Variants in SORCS3 observed in about 807,000 individuals in gnomAD.
The protein encoded by SORCS3 is VPS10 domain-containing receptor SorCS3.
SORCS3 carries 57 observed loss-of-function variants against 146.3 expected under a neutral mutation model. That is an observed-to-expected ratio of 0.39 (90% confidence interval 0.31 to 0.49). SORCS3 has a LOEUF of 0.49. SORCS3 is among the 20% of genes least tolerant of loss of function. The probability of loss-of-function intolerance (pLI) is 0.92; values close to 1 mark genes in which losing one functional copy is unlikely to be tolerated. For missense variants in SORCS3, 1,341 were observed against 1,575.5 expected, an observed-to-expected ratio of 0.85 and a Z score of 2.52; for synonymous variants, 653 against 618.5, an observed-to-expected ratio of 1.06 and a Z score of -0.83.
intron 2 of SORCS3, among the ~76,000 whole-genome samples, chr10:104,878,133 A>G (rs1361481864): frequency 6.6e-6 from 1 of 152,086 alleles, no homozygotes. Context: ...GTAACCATAG[A>G]GATTTTCACA....
At chr10:105,253,001 C>T in intron 23 of SORCS3, 95 bp downstream of exon 23, 2 of 1,424,278 alleles carry the variant, frequency 1.4e-6, no homozygotes, top group East Asian at 2.4e-5. Flanking sequence ...GACAGGCTCT[C>T]TTCCATTACC....
intron 7 of SORCS3, among the ~76,000 whole-genome samples, chr10:105,130,400 C>G (rs149470232): frequency 9.9e-5 from 15 of 152,250 alleles, no homozygotes; most frequent in South Asian, 2.1e-4. Flanking sequence ...TAGACCCAAA[C>G]TCTTTGTCCC....
At chr10:104,657,082 A>G (rs2015641056) in intron 1 of SORCS3, among the ~76,000 whole-genome samples, 1 of 152,182 alleles carries the variant, frequency 6.6e-6, no homozygotes, top group Non-Finnish European at 1.5e-5. Context: ...TTCTAAGCTC[A>G]GTTATCAAGA....
intron 1 of SORCS3, among the ~76,000 whole-genome samples, chr10:104,718,307 C>G (rs907974452): frequency 2.6e-5 from 4 of 152,092 alleles, no homozygotes; most frequent in East Asian, 3.9e-4. Flanking sequence ...GGCAGGATAG[C>G]ATGAGAGAGC....
chr10:104,779,118 C>T (rs2017344414), intron 1 of SORCS3, among the ~76,000 whole-genome samples: 1 of 152,178 alleles, frequency 6.6e-6, no homozygotes. Context: ...TGTCACCAGC[C>T]TCCAGAATTG....
intron 20 of SORCS3, among the ~76,000 whole-genome samples, chr10:105,243,024 CAT>C (rs947792753): frequency 2.3e-4 from 24 of 105,214 alleles, no homozygotes; most frequent in South Asian, 2.2e-3. Flanking sequence ...TATATTTATA[CAT>C]ATATATTTAC....
At chr10:105,165,427 G>C (rs2056304335) in intron 12 of SORCS3, among the ~76,000 whole-genome samples, 1 of 152,096 alleles carries the variant, frequency 6.6e-6, no homozygotes, top group African/African-American at 2.4e-5. Flanking sequence ...ACAAGTTCCT[G>C]TTTGGATCCC....
At chr10:104,967,542 T>C (rs758663021) in intron 3 of SORCS3, among the ~76,000 whole-genome samples, 1 of 152,146 alleles carries the variant, frequency 6.6e-6, no homozygotes, top group Admixed American at 6.5e-5. Context: ...TATGCCCACC[T>C]CTTGCAATTT....
At chr10:105,218,745 GGT>G (rs2056680019) in intron 19 of SORCS3, among the ~76,000 whole-genome samples, 1 of 152,162 alleles carries the variant, frequency 6.6e-6, no homozygotes, top group Non-Finnish European at 1.5e-5. Context: ...GGCTGGGCGC[GGT>G]GGCTCACGCC....
chr10:105,174,901 G>A (rs987549903), intron 13 of SORCS3, among the ~76,000 whole-genome samples: 10 of 151,998 alleles, frequency 6.6e-5, no homozygotes, highest in African/African-American at 1.9e-4. Flanking sequence ...TCTCCGTGTC[G>A]GCTCTCTGTG....
At chr10:105,027,194 C>T (rs1249852766) in intron 4 of SORCS3, among the ~76,000 whole-genome samples, 1 of 152,134 alleles carries the variant, frequency 6.6e-6, no homozygotes, top group Non-Finnish European at 1.5e-5. Context: ...CAGATGTCCA[C>T]ATCACCTGCC....
intron 3 of SORCS3, among the ~76,000 whole-genome samples, chr10:104,963,948 C>A (rs753271273): frequency 1.3e-5 from 2 of 152,126 alleles, no homozygotes; most frequent in Non-Finnish European, 2.9e-5. Flanking sequence ...TGTAAGCAGA[C>A]CTTTTTAACT....
At chr10:104,769,347 G>C (rs541301964) in intron 1 of SORCS3, among the ~76,000 whole-genome samples, 1 of 152,212 alleles carries the variant, frequency 6.6e-6, no homozygotes, top group African/African-American at 2.4e-5. Flanking sequence ...CTGTGCCCAC[G>C]GAGGTGTTGT....
rs570311631 is a variant in SORCS3 at position 104,714,973 on chromosome 10, T to C, written c.627+73019T>C. Among the ~76,000 whole-genome samples the C allele has an allele frequency of 2.6e-5, 4 of 152,282 alleles. No homozygotes were observed. In the East Asian group the frequency reaches 5.8e-4, roughly 22 times the overall value. The stretch of plus-strand genomic sequence containing the variant: ...GGGTGATGGGTCATAGGCTAAATTA[T>C]ATGTGGGGTTGGGAGGAATGAGTAT... On this transcript the variant is annotated intron_variant, in intron 1 of 26. Transcript: ENST00000369701.
chr10:104,693,623 T>C (rs1032624152), intron 1 of SORCS3, among the ~76,000 whole-genome samples: 1 of 152,158 alleles, frequency 6.6e-6, no homozygotes, highest in Non-Finnish European at 1.5e-5. Context: ...TGAATACTCC[T>C]TGTCTCATCT....
At chr10:105,095,182 C>T (rs1260849903) in intron 6 of SORCS3, among the ~76,000 whole-genome samples, 3 of 152,162 alleles carry the variant, frequency 2.0e-5, no homozygotes, top group Non-Finnish European at 2.9e-5. Flanking sequence ...TCAGCTCATT[C>T]AGACCCCAGC....
intron 1 of SORCS3, among the ~76,000 whole-genome samples, chr10:104,741,307 A>G (rs547291022): frequency 4.0e-5 from 6 of 151,872 alleles, no homozygotes; most frequent in Non-Finnish European, 8.8e-5. Context: ...GGCAATGCTG[A>G]CATTTGTTGC....
chr10:105,174,819 C>A (rs1251297959), intron 13 of SORCS3, among the ~76,000 whole-genome samples: 1 of 152,132 alleles, frequency 6.6e-6, no homozygotes, highest in Admixed American at 6.6e-5. Flanking sequence ...TGATCATCTA[C>A]AATTTCTCTC....
chr10:105,061,470 A>G (rs947954026), intron 5 of SORCS3, among the ~76,000 whole-genome samples: 2 of 151,264 alleles, frequency 1.3e-5, no homozygotes, highest in African/African-American at 4.9e-5. Flanking sequence ...AATTTTTTGT[A>G]TTTCTTAGTA....
Sources: allele counts gnomAD v4.1 joint callset (sites outside exome capture counted in the v4.1 genomes callset), GRCh38; gene constraint gnomAD v4.1.1; transcripts MANE v1.5; gene names NCBI Gene and HGNC (gene_info 2026-07-23, HGNC 2026-07-21).